The following ZNF536 variants were observed in gnomAD, a reference collection of about 807,000 sequenced individuals.
ZNF536 encodes the protein zinc finger protein 536.
Under a neutral mutation model 84.5 loss-of-function variants are expected in ZNF536, and 13 were observed. The observed-to-expected ratio is 0.15, with a 90% CI of 0.10 to 0.24. The LOEUF (loss-of-function observed/expected upper bound fraction) is 0.24. ZNF536 is among the 10% of genes least tolerant of loss of function. The pLI is 1.00. For synonymous variants in ZNF536, 811 were observed against 742.5 expected, an observed-to-expected ratio of 1.09 and a Z score of -1.50; for missense variants, 1,536 against 1,747.5, an observed-to-expected ratio of 0.88 and a Z score of 2.16.
At chr19:30,505,242 T>C (rs1458038077) in intron 2 of ZNF536, among the ~76,000 whole-genome samples, 2 of 147,706 alleles carry the variant, frequency 1.4e-5, no homozygotes, top group Non-Finnish European at 3.0e-5. Context: ...ATATTTAATA[T>C]ATTTATTAAT....
intron 2 of ZNF536, among the ~76,000 whole-genome samples, chr19:30,496,785 T>C (rs948603832): frequency 6.6e-6 from 1 of 151,674 alleles, no homozygotes; most frequent in Non-Finnish European, 1.5e-5. Flanking sequence ...CTCGAGTAGA[T>C]GCTTTTTATG....
At chr19:30,657,450 G>T (rs2049954896) in intron 1 of ZNF536, among the ~76,000 whole-genome samples, 1 of 152,188 alleles carries the variant, frequency 6.6e-6, no homozygotes, top group African/African-American at 2.4e-5. Flanking sequence ...CCTCTCCTGT[G>T]GCAGCTAGGA....
At chr19:30,404,733 G>A (rs2903474) in intron 1 of ZNF536, among the ~76,000 whole-genome samples, 85,349 of 151,264 alleles carry the variant, frequency 0.56, 24,714 homozygotes, top group Non-Finnish European at 0.61. Flanking sequence ...ATGTCCGGAG[G>A]CGGGGGGGCT....
At chr19:30,628,281 C>A (rs1018476308) in intron 1 of ZNF536, among the ~76,000 whole-genome samples, 1 of 152,228 alleles carries the variant, frequency 6.6e-6, no homozygotes, top group Non-Finnish European at 1.5e-5. Context: ...GATGCTGGCC[C>A]CGTGGCTCTG....
At chr19:30,571,973 T>TGGTGTCACTGTACATCCAAGC (rs2046564151) in intron 1 of ZNF536, among the ~76,000 whole-genome samples, 1 of 152,124 alleles carries the variant, frequency 6.6e-6, no homozygotes, top group East Asian at 1.9e-4. Context: ...TCCCTCTGAG[T>TGGTGTCACTGTACATCCAAGC]GCTGTCACTG....
intron 1 of ZNF536, among the ~76,000 whole-genome samples, chr19:30,598,564 C>T (rs1283522094): frequency 6.6e-6 from 1 of 152,060 alleles, no homozygotes; most frequent in Admixed American, 6.6e-5. Flanking sequence ...AAACAAATGG[C>T]GAGGTGTGGG....
chr19:30,430,785 C>T (rs986697061), intron 1 of ZNF536, among the ~76,000 whole-genome samples: 2 of 152,220 alleles, frequency 1.3e-5, no homozygotes, highest in Admixed American at 1.3e-4. Context: ...AGCGATTCTC[C>T]TGCCTCAGCC....
chr19:30,435,264 T>C (rs568770922), intron 1 of ZNF536, among the ~76,000 whole-genome samples: 3 of 151,342 alleles, frequency 2.0e-5, no homozygotes, highest in East Asian at 3.9e-4. Context: ...GTGGTAATGA[T>C]GGTGATGATG....
intron 1 of ZNF536, among the ~76,000 whole-genome samples, chr19:30,405,662 A>G (rs1403133736): frequency 1.3e-5 from 2 of 152,186 alleles, no homozygotes; most frequent in Non-Finnish European, 2.9e-5. Context: ...GTGGATTTTC[A>G]GAACCGGTGT....
At chr19:30,401,551 CTT>C (rs2050047537) in intron 1 of ZNF536, among the ~76,000 whole-genome samples, 2 of 152,250 alleles carry the variant, frequency 1.3e-5, no homozygotes, top group South Asian at 4.1e-4. Flanking sequence ...TTTTGGGTCT[CTT>C]TTCATTTCTT....
At chr19:30,506,511 G>A (rs1471625679) in intron 2 of ZNF536, among the ~76,000 whole-genome samples, 2 of 152,202 alleles carry the variant, frequency 1.3e-5, no homozygotes, top group Non-Finnish European at 2.9e-5. Flanking sequence ...CCTTAACAGA[G>A]ACTTCTAGGG....
intron 1 of ZNF536, among the ~76,000 whole-genome samples, chr19:30,270,491 C>G (rs1462844319): frequency 6.6e-6 from 1 of 152,196 alleles, no homozygotes; most frequent in Non-Finnish European, 1.5e-5. Flanking sequence ...TAAATAGACA[C>G]TGCCTGTCAA....
At chr19:30,430,212 G>A (rs577109160) in intron 1 of ZNF536, among the ~76,000 whole-genome samples, 4 of 152,294 alleles carry the variant, frequency 2.6e-5, no homozygotes, top group African/African-American at 7.2e-5. Flanking sequence ...CGGCATCCCC[G>A]CTTTCTCCCC....
At chr19:30,287,636 G>A (rs2045686684) in intron 2 of ZNF536, among the ~76,000 whole-genome samples, 1 of 147,922 alleles carries the variant, frequency 6.8e-6, no homozygotes, top group African/African-American at 2.5e-5. Flanking sequence ...ATGGATGGGT[G>A]GGTGGATGGA....
chr19:30,455,791 G>A lies in ZNF536; in HGVS notation c.2170+10059G>A, dbSNP rs182091854. On this transcript the variant is annotated intron_variant, in intron 2 of 4. Transcript: ENST00000355537. ...GTACAATAGATTATTGTTAACTCTC[G>A]TCACCCTACTGATCTATCAAACTCG... 1.1e-4 allele frequency among the ~76,000 whole-genome samples: 17 copies of A among 152,168 alleles called. No homozygotes were observed. The East Asian group carries it at 3.3e-3, about 29-fold the overall frequency.
chr19:30,596,275 A>T (rs75897958), intron 1 of ZNF536, among the ~76,000 whole-genome samples: 2 of 152,210 alleles, frequency 1.3e-5, no homozygotes, highest in African/African-American at 2.4e-5. Flanking sequence ...GGGAAAAAAA[A>T]AGAAAATGCA....
intron 1 of ZNF536, among the ~76,000 whole-genome samples, chr19:30,658,806 C>T (rs545971906): frequency 2.6e-5 from 4 of 152,316 alleles, no homozygotes; most frequent in East Asian, 1.9e-4. Flanking sequence ...GTCCCCTTCA[C>T]GGACTACAGT....
chr19:30,647,938 C>T (rs74806304), intron 1 of ZNF536, among the ~76,000 whole-genome samples: 4,774 of 152,282 alleles, frequency 0.031, 138 homozygotes, highest in Middle Eastern at 0.12. Flanking sequence ...AAGTTTCCCA[C>T]GTGTCGCTTT....
At chr19:30,347,087 T>C (rs758456766) in intron 2 of ZNF536, among the ~76,000 whole-genome samples, 4 of 149,106 alleles carry the variant, frequency 2.7e-5, no homozygotes, top group Non-Finnish European at 5.9e-5. Flanking sequence ...ATTTCTCTAA[T>C]GATCAGCGAT....
Sources: allele counts gnomAD v4.1 joint callset (sites outside exome capture counted in the v4.1 genomes callset), GRCh38; gene constraint gnomAD v4.1.1; transcripts MANE v1.5; gene names NCBI Gene and HGNC (gene_info 2026-07-23, HGNC 2026-07-21).